Variants in KDM4D observed in about 807,000 individuals in gnomAD.
KDM4D encodes the protein lysine-specific demethylase 4D.
For synonymous variants in KDM4D, 254 were observed against 249.1 expected (o/e 1.02, Z -0.19); for missense variants, 427 against 674.8 (o/e 0.63, Z 4.07).
intron 2 of KDM4D, among the ~76,000 whole-genome samples, chr11:94,981,474 G>A (rs587625334): frequency 2.6e-5 from 4 of 152,020 alleles, no homozygotes; most frequent in Non-Finnish European, 5.9e-5. Flanking sequence ...TCTGGGCCTC[G>A]AGTATATTTT....
chr11:94,999,141 A>C lies in KDM4D; in HGVS notation c.*197A>C. The C allele has an allele frequency of 2.2e-6, 1 of 460,538 alleles. No homozygotes were observed. The allele number at this position is 460,538 out of a possible 1,614,324, so 28.5% of individuals were successfully genotyped here. ...GCCATACTTTTGTTCTTCCTACCGG[A>C]CCCTGGAATGTCTTTGGATATTGCT... On this transcript the variant is annotated 3_prime_UTR_variant, in exon 3 of 3. Coordinates refer to ENST00000335080, the MANE Select transcript of KDM4D (RefSeq NM_018039.3).
Position 94,998,617 on chromosome 11 carries a change from TA to T in KDM4D, c.1246del (p.Thr416ArgfsTer45). The stretch of plus-strand genomic sequence containing the variant: ...GCCGATCTGCAGTTAGTGGCACTGC[TA>T]CGCAGCCCCGGGCTGCTGCTGTCCA... ...PRRSAVSGTA[T>X]QPRAAAVHSS... On this transcript the variant is annotated frameshift_variant, in exon 3 of 3. Transcript: ENST00000335080. LOFTEE classifies it low-confidence loss of function (END_TRUNC). This position sits in a 1 kb window ranked among gnomAD's most constrained non-coding sequence, Gnocchi z 6.7. 1.2e-6 allele frequency: 2 copies of T among 1,614,156 alleles called. No individual in the cohort carries two copies. Among genetic ancestry groups the T allele is most frequent in the Non-Finnish European group, 1.7e-6 (2 of 1,180,014 alleles).
chr11:94,998,477 A>G lies in KDM4D; in HGVS notation c.1105A>G (p.Arg369Gly), dbSNP rs587711372. ...STQKEVQLPR[R>G]AALGLRQLPS... ...CCAGAAGGAAGTCCAGTTACCCAGG[A>G]GAGCAGCGCTGGGCCTGAGACAACT... The change falls in exon 3 of 3, where the codon AGA becomes GGA. Residue 369 changes from arginine (R) to glycine (G), a missense_variant. Transcript: ENST00000335080. The surrounding 1 kb of genome is among the most constrained non-coding windows in gnomAD (Gnocchi z 6.7). The G allele has an allele frequency of 6.2e-7, 1 of 1,612,672 alleles. No individual in the cohort carries two copies. Among genetic ancestry groups the G allele is most frequent in the African/African-American group, 1.3e-5 (1 of 75,040 alleles).
At position 94,999,133 on chromosome 11, in the gene KDM4D, C is replaced by T. The variant is rs587617903; in HGVS notation, c.*189C>T. 5 of 476,200 alleles carry T rather than the reference C, an allele frequency of 1.0e-5. No homozygotes were observed. In the East Asian group the frequency reaches 1.3e-4, roughly 12 times the overall value. 29.5% of individuals were successfully genotyped at this position (476,200 alleles called of 1,614,324 possible). A position where few individuals can be genotyped will look rare whatever the true frequency, so the allele number is the denominator to read the frequency against. On this transcript the variant is annotated 3_prime_UTR_variant, in exon 3 of 3. Transcript: ENST00000335080. ...TCAATTTTGCCATACTTTTGTTCTTCCTACCGGACCCTGGAATGTCTTTGG... is the reference window on the plus strand; with the variant it reads ...TCAATTTTGCCATACTTTTGTTCTTTCTACCGGACCCTGGAATGTCTTTGG...
At chr11:94,989,300 T>C (rs1307995055) in intron 2 of KDM4D, among the ~76,000 whole-genome samples, 1 of 152,206 alleles carries the variant, frequency 6.6e-6, no homozygotes, top group African/African-American at 2.4e-5. Context: ...TTAAAATGTA[T>C]TGACAGTCCA....
intron 2 of KDM4D, among the ~76,000 whole-genome samples, chr11:94,985,127 C>T (rs1055029337): frequency 1.1e-4 from 16 of 152,040 alleles, no homozygotes; most frequent in South Asian, 2.1e-4. Flanking sequence ...TAATTAGGCA[C>T]GAGAAAGAAG....
At chr11:94,976,781 A>C (rs587749760) in intron 2 of KDM4D, among the ~76,000 whole-genome samples, 1 of 152,324 alleles carries the variant, frequency 6.6e-6, no homozygotes, top group Non-Finnish European at 1.5e-5. Flanking sequence ...TTTAAAGCTT[A>C]AACAAAATCA....
chr11:94,997,380 C>A lies in KDM4D; in HGVS notation c.8C>A (p.Thr3Asn), dbSNP rs911480841. 1 of 1,596,686 alleles carries A rather than the reference C, an allele frequency of 6.3e-7. No homozygotes were observed. The highest frequency in any genetic ancestry group is 8.5e-7 in the Non-Finnish European group (1 of 1,173,070). Residue 3 changes from threonine to asparagine, a missense_variant, in exon 3 of 3, where the codon ACT (threonine) becomes AAT (asparagine). By Grantham distance (65) the Thr-to-Asn change is moderately conservative. Transcript: ENST00000335080. ...GAGTTTACTGCTTATTAAATGGAAA[C>A]TATGAAGTCTAAGGCCAACTGTGCC... METMKSKANCAQN... is the reference protein window; with the variant it reads MENMKSKANCAQN...
At position 94,997,255 on chromosome 11, in the gene KDM4D, C is replaced by A; in HGVS notation, c.-118C>A. On this transcript the variant is annotated 5_prime_UTR_variant, in exon 3 of 3. It adds an upstream start codon to the 5' untranslated region. Coordinates refer to ENST00000335080, the MANE Select transcript of KDM4D (RefSeq NM_018039.3). Reference sequence around the variant, plus strand: ...TCTCATTTGCAAAAAAAAAAGTACGCTGGTAGATCCTGCTACCTCATAGAT... The same window carrying A: ...TCTCATTTGCAAAAAAAAAAGTACGATGGTAGATCCTGCTACCTCATAGAT... 2.9e-6 allele frequency: 2 copies of A among 688,662 alleles called. No homozygotes were observed. The highest frequency in any genetic ancestry group is 2.9e-5 in the South Asian group (1 of 34,464). 42.7% of individuals were successfully genotyped at this position (688,662 alleles called of 1,614,324 possible).
At chr11:94,980,943 T>C (rs1209421992) in intron 2 of KDM4D, among the ~76,000 whole-genome samples, 2 of 152,130 alleles carry the variant, frequency 1.3e-5, no homozygotes, top group Admixed American at 6.5e-5. Flanking sequence ...ACTTCCAAGA[T>C]AATGTTGAAT....
chr11:94,984,297 C>A (rs587632298), intron 2 of KDM4D, among the ~76,000 whole-genome samples: 46 of 151,996 alleles, frequency 3.0e-4, no homozygotes, highest in African/African-American at 1.0e-3. Flanking sequence ...GAGTTTGAGA[C>A]CAGCCTGGGC....
chr11:94,991,981 C>T (rs868994943), intron 2 of KDM4D, among the ~76,000 whole-genome samples: 11 of 152,038 alleles, frequency 7.2e-5, no homozygotes, highest in African/African-American at 2.6e-4. Flanking sequence ...ATATCCTCTT[C>T]ATACTCATGC....
rs1275433357 is a variant in KDM4D, at chr11:94,998,146, G to A, written c.774G>A (p.Gly258=). The A allele has an allele frequency of 1.2e-6, 2 of 1,614,158 alleles. No homozygotes were observed. The highest frequency in any genetic ancestry group is 4.5e-5 in the East Asian group (2 of 44,872). Residue 258 remains glycine, a synonymous_variant, in exon 3 of 3, where the codon GGG becomes GGA. Transcript: ENST00000335080. The surrounding 1 kb of genome is among the most constrained non-coding windows in gnomAD (Gnocchi z 6.7). ...CGCCTACAGTTCTCAAGGAAAATGG[G>A]ATTCCCTTCAATCGCATAACTCAGG... The part of the protein sequence containing the change: ...LISPTVLKEN[G]IPFNRITQEA...
intron 2 of KDM4D, among the ~76,000 whole-genome samples, chr11:94,996,778 T>C (rs928737399): frequency 6.6e-6 from 1 of 152,210 alleles, no homozygotes; most frequent in Non-Finnish European, 1.5e-5. Flanking sequence ...ACAGAACATA[T>C]GTATGTTCAG....
intron 2 of KDM4D, among the ~76,000 whole-genome samples, chr11:94,992,413 C>T (rs1397966121): frequency 1.3e-5 from 2 of 151,788 alleles, no homozygotes; most frequent in Non-Finnish European, 2.9e-5. Flanking sequence ...TGAACCAATA[C>T]ATAAGATGAA....
In KDM4D at chr11:94,998,946, T is replaced by A; in HGVS notation, c.*2T>A. On this transcript the variant is annotated 3_prime_UTR_variant, in exon 3 of 3. Coordinates refer to ENST00000335080, the MANE Select transcript of KDM4D (RefSeq NM_018039.3). This position sits in a 1 kb window ranked among gnomAD's most constrained non-coding sequence, Gnocchi z 6.7. ...TGCAGCTGGGCCCCTGTGCCCTAAG[T>A]CCACGGGCTGTCTTTATATCCCACT... 6.6e-7 allele frequency: 1 copy of A among 1,505,744 alleles called. No individual in the cohort carries two copies. The highest frequency in any genetic ancestry group is 8.9e-7 in the Non-Finnish European group (1 of 1,126,852). 93.3% of individuals were successfully genotyped at this position (1,505,744 alleles called of 1,614,324 possible).
intron 2 of KDM4D, among the ~76,000 whole-genome samples, chr11:94,996,620 T>C (rs587630439): frequency 3.9e-5 from 6 of 152,358 alleles, no homozygotes; most frequent in African/African-American, 1.4e-4. Flanking sequence ...GTGAATATAC[T>C]GCAGTGTACT....
chr11:94,998,914 T>C lies in KDM4D; in HGVS notation c.1542T>C (p.Ala514=). The C allele has an allele frequency of 1.3e-6, 2 of 1,513,138 alleles. No homozygotes were observed. Among genetic ancestry groups the C allele is most frequent in the Non-Finnish European group, 1.8e-6 (2 of 1,130,704 alleles). 93.7% of individuals were successfully genotyped at this position (1,513,138 alleles called of 1,614,324 possible). Residue 514 remains alanine (A), a synonymous_variant, in exon 3 of 3, where the codon GCT becomes GCC. Transcript: ENST00000335080. This position sits in a 1 kb window ranked among gnomAD's most constrained non-coding sequence, Gnocchi z 6.7. ...LSPGLQHPVK[A]SGCSWAPVP ...CAGGGCTCCAGCATCCTGTCAAGGCTTCTGGGTGCAGCTGGGCCCCTGTGC... is the reference window on the plus strand; with the variant it reads ...CAGGGCTCCAGCATCCTGTCAAGGCCTCTGGGTGCAGCTGGGCCCCTGTGC...
chr11:94,978,824 G>A (rs983253744), intron 2 of KDM4D, among the ~76,000 whole-genome samples: 1 of 152,142 alleles, frequency 6.6e-6, no homozygotes, highest in Non-Finnish European at 1.5e-5. Flanking sequence ...AACATTAATA[G>A]GGACAAAGAA....
Sources: allele counts gnomAD v4.1 joint callset (sites outside exome capture counted in the v4.1 genomes callset), GRCh38; gene constraint gnomAD v4.1.1; non-coding constraint Gnocchi (gnomAD v3.1); transcripts MANE v1.5; gene names NCBI Gene and HGNC (gene_info 2026-07-23, HGNC 2026-07-21).